KDM2B: variants seen among roughly 807,000 people sequenced by gnomAD.
KDM2B encodes lysine-specific demethylase 2B.
Under a neutral mutation model 150.0 loss-of-function variants are expected in KDM2B, and 26 were observed. That is an observed-to-expected ratio of 0.17 (90% CI 0.13 to 0.24). The LOEUF (loss-of-function observed/expected upper bound fraction) is 0.24, where lower values mean the gene tolerates loss of function less well. Among genes scored for constraint, KDM2B ranks in the 10% least tolerant of loss-of-function variants. The probability of loss-of-function intolerance (pLI) is 1.00; values close to 1 mark genes in which losing one functional copy is unlikely to be tolerated. For synonymous variants in KDM2B, 734 were observed against 729.5 expected (o/e 1.01, Z -0.10); for missense variants, 1,265 against 1,816.9 (o/e 0.70, Z 5.52).
chr12:121,435,037 GAAA>G (rs113742352), intron 22 of KDM2B, among the ~76,000 whole-genome samples: 266 of 139,348 alleles, frequency 1.9e-3, no homozygotes, highest in African/African-American at 6.7e-3. Flanking sequence ...CCAACAAAGG[GAAA>G]AAAAAAAAAA....
At chr12:121,553,121 A>C (rs1889636766) in intron 4 of KDM2B, among the ~76,000 whole-genome samples, 1 of 151,670 alleles carries the variant, frequency 6.6e-6, no homozygotes, top group East Asian at 1.9e-4. Flanking sequence ...AGTCCCAGCT[A>C]CTTGGGAGGC....
chr12:121,568,444 G>C (rs1890860791), intron 4 of KDM2B, among the ~76,000 whole-genome samples: 1 of 152,040 alleles, frequency 6.6e-6, no homozygotes, highest in Non-Finnish European at 1.5e-5. Flanking sequence ...TGGGCAACAA[G>C]AGCGAAACTC....
Position 121,520,927 on chromosome 12 carries a change from G to T in KDM2B, c.1047+58C>A. On this transcript the variant is annotated intron_variant, in intron 9 of 22. Coordinates refer to ENST00000377071, the MANE Select transcript of KDM2B (RefSeq NM_032590.5). The surrounding 1 kb of genome is among the most constrained non-coding windows in gnomAD (Gnocchi z 4.5). ...CAGTATGACCTGTCCCACACACCGAGCACCGGCAGAGCTCAGGGGCCAGGC... is the reference window on the plus strand; with the variant it reads ...CAGTATGACCTGTCCCACACACCGATCACCGGCAGAGCTCAGGGGCCAGGC... 3 of 1,317,570 alleles carry T rather than the reference G, an allele frequency of 2.3e-6. No homozygotes were observed. Among genetic ancestry groups the T allele is most frequent in the Non-Finnish European group, 3.3e-6 (3 of 915,078 alleles). The allele number at this position is 1,317,570 out of a possible 1,614,324, so 81.6% of individuals were successfully genotyped here.
rs118116292 is a variant in KDM2B, at chr12:121,543,074, G to A, written c.683+5803C>T. Among the ~76,000 whole-genome samples, 9 of 152,310 alleles carry A rather than the reference G, an allele frequency of 5.9e-5. No individual in the cohort carries two copies. In the East Asian group the frequency reaches 7.7e-4, roughly 13 times the overall value. On this transcript the variant is annotated intron_variant, in intron 6 of 22. Coordinates refer to ENST00000377071, the MANE Select transcript of KDM2B (RefSeq NM_032590.5). ...AAAATAAAAATCACTGAGGCCCGGC[G>A]CAGTGGGTCATGGGTCATGCCTGTA...
intron 11 of KDM2B, among the ~76,000 whole-genome samples, chr12:121,496,405 G>T (rs1883939760): frequency 6.6e-6 from 1 of 151,824 alleles, no homozygotes; most frequent in South Asian, 2.1e-4. Context: ...GGAGACAAAT[G>T]AAGGTGAAGA....
rs782495613 is a variant in KDM2B, at chr12:121,580,872, GGTGATCCTCTGC to G, written c.28_39del (p.Ala10_His13del). ...TCTGCTGCATGTCTTTTTCGTGGGG[GGTGATCCTCTGC>G]AGATCCCCCCATTTGCGGACCCGCC... On this transcript the variant is annotated inframe_deletion, in exon 1 of 23. Transcript: ENST00000377071. The G allele has an allele frequency of 6.2e-7, 1 of 1,613,996 alleles. No individual in the cohort carries two copies.
rs1594108445 is a variant in KDM2B at position 121,551,303 on chromosome 12, G to C, written c.398-1665C>G. On this transcript the variant is annotated intron_variant, in intron 4 of 22. Transcript: ENST00000377071. ...GGTGGGAGGATGGTGCTTGAGCCTG[G>C]GAGTTTGAGACCAGCCTGGGGAACA... 2.6e-5 allele frequency among the ~76,000 whole-genome samples: 4 copies of C among 152,000 alleles called. No homozygotes were observed. In the Middle Eastern group the frequency reaches 0.01, roughly 390 times the overall value.
chr12:121,420,455 A>G, the KDM2B span: 1 of 1,554,826 alleles, frequency 6.4e-7, no homozygotes, highest in Non-Finnish European at 8.8e-7. Context: ...GTAGGACAGT[A>G]TACTGAAACA....
chr12:121,431,666 AT>A (rs1566246145), intron 22 of KDM2B, among the ~76,000 whole-genome samples: 1 of 152,140 alleles, frequency 6.6e-6, no homozygotes, highest in African/African-American at 2.4e-5. Flanking sequence ...GACTTCCTTT[AT>A]ACAGCTAGTC....
intron 12 of KDM2B, among the ~76,000 whole-genome samples, chr12:121,490,937 C>T (rs956794602): frequency 1.3e-5 from 2 of 152,158 alleles, no homozygotes; most frequent in Admixed American, 6.5e-5. Flanking sequence ...CTCCCTACCT[C>T]GCATCCTGAG....
At chr12:121,449,295 G>C (rs545125766) in intron 13 of KDM2B, among the ~76,000 whole-genome samples, 1 of 152,120 alleles carries the variant, frequency 6.6e-6, no homozygotes, top group Admixed American at 6.5e-5. Context: ...CCCCAGCGAC[G>C]GAGCAAAGGG....
intron 11 of KDM2B, among the ~76,000 whole-genome samples, chr12:121,504,213 C>A (rs1190676769): frequency 6.6e-6 from 1 of 152,174 alleles, no homozygotes; most frequent in African/African-American, 2.4e-5. Flanking sequence ...GAGGTGCACA[C>A]CACTATACAT....
downstream of KDM2B, among the ~76,000 whole-genome samples, chr12:121,425,775 T>C (rs1872484730): frequency 6.6e-6 from 1 of 151,750 alleles, no homozygotes; most frequent in South Asian, 2.1e-4. Flanking sequence ...TAAACTTTTT[T>C]TTTTTTTTTG....
chr12:121,557,514 A>G (rs1889994661), intron 4 of KDM2B, among the ~76,000 whole-genome samples: 1 of 152,114 alleles, frequency 6.6e-6, no homozygotes, highest in Non-Finnish European at 1.5e-5. Flanking sequence ...TGCTGGGATT[A>G]CAGGCGTGAG....
rs1555311290 is a variant in KDM2B, at chr12:121,548,992, C to T, written c.577-9G>A. 1.2e-6 allele frequency: 2 copies of T among 1,607,066 alleles called. No homozygotes were observed. Among genetic ancestry groups the T allele is most frequent in the Admixed American group, 3.3e-5 (2 of 60,014 alleles). ...CAGTCCACCAGGTCTACCTGAAAGC[C>T]AGACCAGTGTGAGCACTGCATTTCT... On this transcript the variant is annotated splice_polypyrimidine_tract_variant and intron_variant, in intron 5 of 22. Transcript: ENST00000377071.
At chr12:121,485,032 G>A (rs1311859470) in intron 12 of KDM2B, among the ~76,000 whole-genome samples, 1 of 151,918 alleles carries the variant, frequency 6.6e-6, no homozygotes, top group Admixed American at 6.6e-5. Context: ...GAAGACCCAG[G>A]GAGACCACAG....
At chr12:121,567,183 C>A (rs189057210) in intron 4 of KDM2B, among the ~76,000 whole-genome samples, 11 of 151,944 alleles carry the variant, frequency 7.2e-5, no homozygotes, top group East Asian at 3.9e-4. Context: ...CACCGCCCCC[C>A]ACCTGGGAAT....
chr12:121,467,225 C>A lies in KDM2B; in HGVS notation c.1735-13881G>T. On this transcript the variant is annotated intron_variant, in intron 12 of 22. Coordinates refer to ENST00000377071, the MANE Select transcript of KDM2B (RefSeq NM_032590.5). This position sits in a 1 kb window ranked among gnomAD's most constrained non-coding sequence, Gnocchi z 5.1. ...GGACATGGCCATGGCTCATGGTGGG[C>A]CCAGGCTCGCGCGCGCTGACATGGC... 9.7e-7 allele frequency: 1 copy of A among 1,033,344 alleles called. No individual in the cohort carries two copies. Among genetic ancestry groups the A allele is most frequent in the Non-Finnish European group, 1.2e-6 (1 of 854,212 alleles). 64.0% of individuals were successfully genotyped at this position (1,033,344 alleles called of 1,614,324 possible).
At chr12:121,508,387 G>A (rs928942651) in intron 11 of KDM2B, among the ~76,000 whole-genome samples, 3 of 152,092 alleles carry the variant, frequency 2.0e-5, no homozygotes, top group Admixed American at 6.6e-5. Flanking sequence ...TGCCTGGCCC[G>A]CACCCAGTGA....
Sources: allele counts gnomAD v4.1 joint callset (sites outside exome capture counted in the v4.1 genomes callset), GRCh38; gene constraint gnomAD v4.1.1; non-coding constraint Gnocchi (gnomAD v3.1); transcripts MANE v1.5; gene names NCBI Gene and HGNC (gene_info 2026-07-23, HGNC 2026-07-21).